DMBT1: variants seen among roughly 807,000 people sequenced by gnomAD.
The protein encoded by DMBT1 is deleted in malignant brain tumors 1.
In DMBT1, 198 loss-of-function variants were observed where a neutral mutation model predicts 252.9. That is an observed-to-expected ratio of 0.78 (90% CI 0.70 to 0.88). The LOEUF is 0.88. Among genes scored for constraint, DMBT1 ranks in the 40% least tolerant of loss-of-function variants. The pLI is 0.00. For synonymous variants in DMBT1, 990 were observed against 942.7 expected (o/e 1.05, Z -0.92); for missense variants, 2,432 against 2,404.7 (o/e 1.01, Z -0.24).
chr10:122,626,023 G>T, intron 46 of DMBT1, 58 bp downstream of exon 46: 1 of 1,466,482 alleles, frequency 6.8e-7, no homozygotes, highest in South Asian at 1.1e-5. Flanking sequence ...CCCCAAGCTT[G>T]GCTATCCATG....
At chr10:122,565,206 G>C (rs1049819342) in intron 1 of DMBT1, among the ~76,000 whole-genome samples, 1 of 152,162 alleles carries the variant, frequency 6.6e-6, no homozygotes, top group Non-Finnish European at 1.5e-5. Flanking sequence ...ATAGTGAAAT[G>C]CTTCAAGACA....
intron 1 of DMBT1, among the ~76,000 whole-genome samples, chr10:122,561,359 A>C (rs1212590545): frequency 6.6e-6 from 1 of 152,020 alleles, no homozygotes; most frequent in African/African-American, 2.4e-5. Flanking sequence ...TTGGAATTCC[A>C]AGTTTCTCTG....
chr10:122,597,833 T>A (rs2097897561), intron 24 of DMBT1, 141 bp from the exon 25 acceptor site: 1 of 1,264,918 alleles, frequency 7.9e-7, no homozygotes, highest in South Asian at 1.2e-5. Flanking sequence ...AGCTGCAGAC[T>A]TGGGCAGACA....
chr10:122,631,566 G>A (rs544982027), intron 49 of DMBT1, among the ~76,000 whole-genome samples: 1 of 152,312 alleles, frequency 6.6e-6, no homozygotes, highest in Admixed American at 6.5e-5. Flanking sequence ...GGCTATGATA[G>A]TACTTGCTAC....
chr10:122,563,058 G>C (rs2097562012), intron 1 of DMBT1, among the ~76,000 whole-genome samples: 6 of 152,196 alleles, frequency 3.9e-5, no homozygotes, highest in Admixed American at 3.9e-4. Context: ...TCAGTGCTTG[G>C]AGCCTGACCA....
chr10:122,592,576 T>C lies in DMBT1; in HGVS notation c.2481T>C (p.Asp827=), dbSNP rs766034913. ...CCCACAACTGTGGCCATCATGAAGA[T>C]GCTGGTGTCATCTGCTCAGGTGGGC... The part of the protein sequence containing the change: ...WLSHNCGHHE[D]AGVICSVSQS... Residue 827 remains aspartate, a synonymous_variant, in exon 20 of 56, where the codon GAT becomes GAC. Coordinates refer to ENST00000338354, the MANE Select transcript of DMBT1 (RefSeq NM_001377530.1). The C allele has an allele frequency of 4.0e-5, 63 of 1,588,420 alleles. 5 individuals carry two copies. Among genetic ancestry groups the C allele is most frequent in the South Asian group, 2.0e-4 (17 of 86,944 alleles).
chr10:122,622,251 G>A (rs1212735640), intron 44 of DMBT1, among the ~76,000 whole-genome samples: 1 of 152,182 alleles, frequency 6.6e-6, no homozygotes, highest in African/African-American at 2.4e-5. Context: ...CCTGGGTCTT[G>A]CTTGAAGCCT....
intron 6 of DMBT1, among the ~76,000 whole-genome samples, chr10:122,574,153 G>T (rs1591205561): frequency 6.6e-6 from 1 of 152,212 alleles, no homozygotes; most frequent in East Asian, 1.9e-4. Context: ...AAATTGCTAG[G>T]ACAGCATCCT....
rs2098162248 is a variant in DMBT1, at chr10:122,631,191, G to A, written c.6256G>A (p.Gly2086Arg). ...PITLDDVECS[G>R]TESTLWQCRN... ...CACCCTGGACGATGTAGAGTGCTCA[G>A]GGACGGAATCCACTCTCTGGCAGTG... Residue 2086 changes from glycine to arginine, a missense_variant, in exon 49 of 56, where the codon GGG becomes AGG. Physicochemically the swap from Gly to Arg is moderately radical, Grantham distance 125. This residue lies in a region of DMBT1 where 1,162 missense variants were observed against 1,169.0 expected (regional missense o/e 0.99). Coordinates refer to ENST00000338354, the MANE Select transcript of DMBT1 (RefSeq NM_001377530.1). 4 of 1,614,014 alleles carry A rather than the reference G, an allele frequency of 2.5e-6. No individual in the cohort carries two copies. Among genetic ancestry groups the A allele is most frequent in the Non-Finnish European group, 3.4e-6 (4 of 1,179,908 alleles).
At chr10:122,566,654 T>G (rs775326996) in intron 2 of DMBT1, among the ~76,000 whole-genome samples, 3 of 152,186 alleles carry the variant, frequency 2.0e-5, no homozygotes, top group Non-Finnish European at 2.9e-5. Context: ...TGAAGATAAC[T>G]AACATCTACC....
intron 27 of DMBT1, among the ~76,000 whole-genome samples, chr10:122,600,553 T>C (rs1026113694): frequency 6.6e-6 from 1 of 152,208 alleles, no homozygotes; most frequent in Non-Finnish European, 1.5e-5. Context: ...AGGCAGAGTT[T>C]GTGCTTGGGC....
chr10:122,567,131 C>T (rs1247036621), intron 2 of DMBT1, among the ~76,000 whole-genome samples: 1 of 152,228 alleles, frequency 6.6e-6, no homozygotes, highest in Non-Finnish European at 1.5e-5. Flanking sequence ...CCTCCCCTTC[C>T]AGGACATGAC....
chr10:122,566,048 C>T (rs1371795764), intron 2 of DMBT1, 52 bp downstream of exon 2: 2 of 1,593,542 alleles, frequency 1.3e-6, no homozygotes, highest in African/African-American at 1.3e-5. Flanking sequence ...CAGTTCTCCT[C>T]TGCTACTGTT....
In DMBT1 at chr10:122,573,636, C is replaced by T. The variant is rs935640824; in HGVS notation, c.236-79C>T. ...GGACCTGTGCTTCCAGCCCTTGCTT[C>T]AGAGCTGAGCAAGCCCTGGACCAAC... On this transcript the variant is annotated intron_variant, in intron 5 of 55. Coordinates refer to ENST00000338354, the MANE Select transcript of DMBT1 (RefSeq NM_001377530.1). The T allele has an allele frequency of 9.7e-6, 15 of 1,538,980 alleles. No homozygotes were observed. In the African/African-American group the frequency reaches 1.9e-4, roughly 20 times the overall value.
rs184889382 is a variant in DMBT1, at chr10:122,641,336, G to C, written c.7352+887G>C. 2.1e-3 allele frequency among the ~76,000 whole-genome samples: 317 copies of C among 152,320 alleles called. 1 individual carries two copies. Among genetic ancestry groups the C allele is most frequent in the South Asian group, 0.013 (61 of 4,830 alleles). On this transcript the variant is annotated intron_variant, in intron 55 of 55. Coordinates refer to ENST00000338354, the MANE Select transcript of DMBT1 (RefSeq NM_001377530.1). ...TGATAGATGTGTACCACACTTCTTGGCTTACAATATAGACCTGGACACTTC... is the reference window on the plus strand; with the variant it reads ...TGATAGATGTGTACCACACTTCTTGCCTTACAATATAGACCTGGACACTTC...
rs371095988 is a variant in DMBT1, at chr10:122,565,962, T to C, written c.62-5T>C. 110 of 1,613,802 alleles carry C rather than the reference T, an allele frequency of 6.8e-5. No individual in the cohort carries two copies. The African/African-American group carries it at 1.4e-3, about 20-fold the overall frequency. Reference sequence around the variant, plus strand: ...GTTTCTAAGACGAATTTGTGTTCTTTCCAGGTGGGTGGATCCCAAGGACTA... The same window carrying C: ...GTTTCTAAGACGAATTTGTGTTCTTCCCAGGTGGGTGGATCCCAAGGACTA... On this transcript the variant is annotated splice_polypyrimidine_tract_variant and splice_region_variant and intron_variant, in intron 1 of 55. Coordinates refer to ENST00000338354, the MANE Select transcript of DMBT1 (RefSeq NM_001377530.1).
At chr10:122,631,795 C>T in intron 49 of DMBT1, 60 bp from the exon 50 acceptor site, 1 of 1,594,336 alleles carries the variant, frequency 6.3e-7, no homozygotes. Flanking sequence ...CTGTCTCATT[C>T]CGGCCCCTCC....
rs111726992 is a variant in DMBT1, at chr10:122,621,240, G to C, written c.5468G>C (p.Arg1823Pro). Residue 1823 changes from arginine (R) to proline (P), a missense_variant, in exon 44 of 56, where the codon CGG becomes CCG. By Grantham distance (103) the Arg-to-Pro change is moderately radical (BLOSUM62 -2). Coordinates refer to ENST00000338354, the MANE Select transcript of DMBT1 (RefSeq NM_001377530.1). Reference protein sequence around the residue: ...GWAMSAPGNARFGQGSGPIVL... With the variant: ...GWAMSAPGNAPFGQGSGPIVL... ...GCCATGTCGGCCCCAGGAAATGCCC[G>C]GTTTGGCCAGGGCTCAGGACCCATT... The C allele has an allele frequency of 3.1e-6, 5 of 1,613,692 alleles. No homozygotes were observed. The East Asian group carries it at 1.1e-4, about 36-fold the overall frequency.
intron 2 of DMBT1, among the ~76,000 whole-genome samples, chr10:122,568,755 G>T (rs989859127): frequency 6.6e-6 from 1 of 152,192 alleles, no homozygotes; most frequent in Non-Finnish European, 1.5e-5. Flanking sequence ...TGTCAGCCCT[G>T]GGCGGGGCCC....
Sources: gnomAD v4.1 joint callset for allele counts (sites outside exome capture counted in the v4.1 genomes callset) on GRCh38, gnomAD v4.1.1 for gene constraint, gnomAD v4.1.1 regional missense constraint, MANE v1.5 for transcripts, NCBI Gene and HGNC (gene_info 2026-07-23, HGNC 2026-07-21) for gene names.